Variants in RAB3IP observed in about 807,000 individuals in gnomAD.
RAB3IP encodes the protein rab-3A-interacting protein.
In RAB3IP, 36 loss-of-function variants were observed where a neutral mutation model predicts 59.1. That is an observed-to-expected ratio of 0.61 (90% CI 0.47 to 0.80). The LOEUF is 0.80. Ranked by LOEUF, RAB3IP falls within the 30% of genes least tolerant of loss-of-function variation. The pLI, the probability that RAB3IP is intolerant of heterozygous loss-of-function variation, is 0.00. For missense variants in RAB3IP, 511 were observed against 536.0 expected (o/e 0.95, Z 0.46); for synonymous variants, 207 against 191.2 (o/e 1.08, Z -0.68).
At position 69,822,210 on chromosome 12, in the gene RAB3IP, C is replaced by T. The variant is rs182913465; in HGVS notation, c.*6764C>T. On this transcript the variant is annotated 3_prime_UTR_variant, in exon 11 of 11. Transcript: ENST00000247833. ...AGGCATATAAATCCTTAAAAAAAAT[C>T]ATTTGACTTCATCCTTGCTCCCTAC... The T allele has an allele frequency of 8.2e-4, 125 of 152,216 alleles. 1 individual carries two copies. The highest frequency in any genetic ancestry group is 2.6e-3 in the African/African-American group (110 of 41,524). 9.4% of individuals were successfully genotyped at this position (152,216 alleles called of 1,614,324 possible).
chr12:69,758,376 T>C (rs574315626), intron 3 of RAB3IP, among the ~76,000 whole-genome samples: 8 of 152,226 alleles, frequency 5.3e-5, no homozygotes, highest in Non-Finnish European at 1.0e-4. Flanking sequence ...TTTGTCTCAT[T>C]TGTTCCTTTT....
rs762262401 is a variant in RAB3IP at position 69,739,889 on chromosome 12, G to A, written c.-26+858G>A. The A allele has an allele frequency of 2.5e-6, 4 of 1,613,366 alleles. No homozygotes were observed. The East Asian group carries it at 8.9e-5, about 36-fold the overall frequency. ...GAAAGGGTAAGGTCTTGAAAGACAC[G>A]AGCGCTGAGTTAGTTAGTACTGATT... is the stretch of plus-strand genomic sequence containing the variant. On this transcript the variant is annotated intron_variant, in intron 1 of 10. Coordinates refer to ENST00000247833, the MANE Select transcript of RAB3IP (RefSeq NM_022456.5).
At chr12:69,804,862 T>C (rs1403615678) in intron 8 of RAB3IP, among the ~76,000 whole-genome samples, 18 of 152,264 alleles carry the variant, frequency 1.2e-4, no homozygotes, top group African/African-American at 4.3e-4. Context: ...TATATCTCTG[T>C]TTTGGTACCA....
At chr12:69,805,178 G>A (rs570312874) in intron 8 of RAB3IP, among the ~76,000 whole-genome samples, 1,866 of 152,244 alleles carry the variant, frequency 0.012, 41 homozygotes, top group African/African-American at 0.04. Flanking sequence ...TCATTGAGCA[G>A]TGGTTTGTAG....
In RAB3IP at chr12:69,780,890, G is replaced by A. The variant is rs1326313981; in HGVS notation, c.511-3830G>A. On this transcript the variant is annotated intron_variant, in intron 3 of 10. Coordinates refer to ENST00000247833, the MANE Select transcript of RAB3IP (RefSeq NM_022456.5). ...TCAAATGCATTTATATATCTTAAAA[G>A]TTCTTTATATACTACCTTTGTTTCC... Among the ~76,000 whole-genome samples, 4 of 151,802 alleles carry A rather than the reference G, an allele frequency of 2.6e-5. No individual in the cohort carries two copies. In the East Asian group the frequency reaches 7.7e-4, roughly 29 times the overall value.
intron 4 of RAB3IP, 41 bp downstream of exon 4, chr12:69,784,856 T>C: frequency 1.8e-6 from 2 of 1,119,606 alleles, no homozygotes; most frequent in Non-Finnish European, 2.7e-6. Flanking sequence ...ACATCTTGAC[T>C]TTTATATATT....
At chr12:69,810,618 G>T (rs11177874) in intron 8 of RAB3IP, among the ~76,000 whole-genome samples, 1 of 149,872 alleles carries the variant, frequency 6.7e-6, no homozygotes, top group African/African-American at 2.5e-5. Flanking sequence ...ATCAAAGTGC[G>T]TTCAAAGGAT....
chr12:69,794,692 G>A (rs996809372), intron 5 of RAB3IP, among the ~76,000 whole-genome samples, 178 bp downstream of exon 5: 15 of 152,072 alleles, frequency 9.9e-5, no homozygotes, highest in African/African-American at 1.2e-4. Flanking sequence ...TAAACATTTC[G>A]TGTCCATTTA....
intron 4 of RAB3IP, among the ~76,000 whole-genome samples, chr12:69,792,873 G>A (rs147454208): frequency 3.4e-4 from 52 of 152,182 alleles, no homozygotes; most frequent in African/African-American, 1.1e-3. Context: ...TTTTCTAATC[G>A]TTCTCCGTTG....
Position 69,755,471 on chromosome 12 carries a change from C to A in RAB3IP, c.63C>A (p.Asp21Glu). 1 of 1,614,090 alleles carries A rather than the reference C, an allele frequency of 6.2e-7. No homozygotes were observed. Among genetic ancestry groups the A allele is most frequent in the Admixed American group, 1.7e-5 (1 of 60,016 alleles). ...ACCTTGCTTCACCTACTTCTCCGGACCTTCTTGGTGTGTATGAATCAGGAA... is the reference window on the plus strand; with the variant it reads ...ACCTTGCTTCACCTACTTCTCCGGAACTTCTTGGTGTGTATGAATCAGGAA... ...EVNLASPTSP[D>E]LLGVYESGTQ... Residue 21 changes from aspartate (D) to glutamate (E), a missense_variant, in exon 2 of 11, where the codon GAC becomes GAA. Transcript: ENST00000247833.
chr12:69,773,373 G>A (rs1873482941), intron 3 of RAB3IP, among the ~76,000 whole-genome samples: 1 of 132,160 alleles, frequency 7.6e-6, no homozygotes, highest in Non-Finnish European at 1.7e-5. Flanking sequence ...TATTTTTTTG[G>A]ATACGCCTTC....
At position 69,738,977 on chromosome 12, in the gene RAB3IP, C is replaced by T. The variant is rs929791948; in HGVS notation, c.-80C>T. The stretch of plus-strand genomic sequence containing the variant: ...TTCTCGCTGCTTCGGGACGCGCTCT[C>T]TGCGGCTCTGTGAGCGCCCCTGAGC... On this transcript the variant is annotated 5_prime_UTR_variant, in exon 1 of 11. Coordinates refer to ENST00000247833, the MANE Select transcript of RAB3IP (RefSeq NM_022456.5). The T allele has an allele frequency of 6.6e-6, 1 of 152,198 alleles. No individual in the cohort carries two copies. Among genetic ancestry groups the T allele is most frequent in the East Asian group, 1.9e-4 (1 of 5,192 alleles). 9.4% of individuals were successfully genotyped at this position (152,198 alleles called of 1,614,324 possible). A position where few individuals can be genotyped will look rare whatever the true frequency, so the allele number is the denominator to read the frequency against.
At chr12:69,748,312 CT>C (rs1868676820) in intron 1 of RAB3IP, among the ~76,000 whole-genome samples, 1 of 151,940 alleles carries the variant, frequency 6.6e-6, no homozygotes, top group Non-Finnish European at 1.5e-5. Context: ...CTAGGGATGG[CT>C]TTTGTTTTCA....
In RAB3IP at chr12:69,808,801, A is replaced by C. The variant is rs201760369; in HGVS notation, c.1131-3977A>C. ...TTTGAGCCTATGTGTGTTTCTGCACATGAGATGGGTTTCCTGAATACAGCA... is the reference window on the plus strand; with the variant it reads ...TTTGAGCCTATGTGTGTTTCTGCACCTGAGATGGGTTTCCTGAATACAGCA... On this transcript the variant is annotated intron_variant, in intron 8 of 10. Coordinates refer to ENST00000247833, the MANE Select transcript of RAB3IP (RefSeq NM_022456.5). Among the ~76,000 whole-genome samples, 11 of 152,202 alleles carry C rather than the reference A, an allele frequency of 7.2e-5. No homozygotes were observed. In the East Asian group the frequency reaches 2.1e-3, roughly 29 times the overall value.
At chr12:69,754,913 T>G (rs1337298642) in intron 1 of RAB3IP, among the ~76,000 whole-genome samples, 1 of 152,228 alleles carries the variant, frequency 6.6e-6, no homozygotes, top group African/African-American at 2.4e-5. Flanking sequence ...TAAAATATTT[T>G]TAAAAATTAA....
rs754286276 is a variant in RAB3IP, at chr12:69,800,241, G to A, written c.921G>A (p.Leu307=). Residue 307 remains leucine (L), a synonymous_variant, in exon 7 of 11, where the codon TTG becomes TTA. Coordinates refer to ENST00000247833, the MANE Select transcript of RAB3IP (RefSeq NM_022456.5). ...ADLSLYNEFR[L]WKDEPTMDRT... The stretch of plus-strand genomic sequence containing the variant: ...TATCCTTGTATAATGAATTCCGATT[G>A]TGGAAGGATGAGCCCACAATGGACA... 6.3e-7 allele frequency: 1 copy of A among 1,574,818 alleles called. No individual in the cohort carries two copies. The highest frequency in any genetic ancestry group is 8.6e-7 in the Non-Finnish European group (1 of 1,164,334).
intron 8 of RAB3IP, among the ~76,000 whole-genome samples, chr12:69,807,066 A>G (rs1258010779): frequency 6.6e-6 from 1 of 151,650 alleles, no homozygotes; most frequent in Non-Finnish European, 1.5e-5. Context: ...CATCGTCATC[A>G]TGGCCTGTTC....
chr12:69,783,635 A>T (rs1875138426), intron 3 of RAB3IP, among the ~76,000 whole-genome samples: 1 of 152,210 alleles, frequency 6.6e-6, no homozygotes, highest in Non-Finnish European at 1.5e-5. Context: ...GGAGCCTGTG[A>T]AAACCTTTTG....
At chr12:69,743,992 T>C (rs115994595) in intron 1 of RAB3IP, among the ~76,000 whole-genome samples, 1 of 152,204 alleles carries the variant, frequency 6.6e-6, no homozygotes, top group Non-Finnish European at 1.5e-5. Flanking sequence ...ATGATTTTTT[T>C]AAAAAATTAT....
Sources: allele counts gnomAD v4.1 joint callset (sites outside exome capture counted in the v4.1 genomes callset), GRCh38; gene constraint gnomAD v4.1.1; transcripts MANE v1.5; gene names NCBI Gene and HGNC (gene_info 2026-07-23, HGNC 2026-07-21).